The following LAS1L variants were observed in gnomAD, a reference collection of about 807,000 sequenced individuals.
LAS1L encodes ribosomal biogenesis protein LAS1L.
Under a neutral mutation model 57.3 loss-of-function variants are expected in LAS1L, and 5 were observed. The observed-to-expected ratio is 0.09, with a 90% CI of 0.05 to 0.18. The LOEUF is 0.18. Ranked by LOEUF, LAS1L falls within the 10% of genes least tolerant of loss-of-function variation. The pLI is 1.00. For synonymous variants in LAS1L, 245 were observed against 231.7 expected (o/e 1.06, Z -0.52); for missense variants, 360 against 568.3 (o/e 0.63, Z 3.73).
rs184542574 is a variant in LAS1L at position 65,527,299 on chromosome X, G to A, written c.956+961C>T. On this transcript the variant is annotated intron_variant, in intron 7 of 13. Transcript: ENST00000374811. ...ACCTGTGATCCCAGCACTTTGGGAGGCCAAGGCAGGACAATCTCTTGAATC... is the reference window on the plus strand; with the variant it reads ...ACCTGTGATCCCAGCACTTTGGGAGACCAAGGCAGGACAATCTCTTGAATC... Among the ~76,000 whole-genome samples, 47 of 105,443 alleles carry A rather than the reference G, an allele frequency of 4.5e-4. No homozygotes were observed. The highest frequency in any genetic ancestry group is 7.7e-4 in the Non-Finnish European group (40 of 51,659). The allele number at this position is 105,443 out of a possible 115,157, so 91.6% of individuals were successfully genotyped here.
rs954515049 is a variant in LAS1L at position 65,529,595 on chromosome X, A to G, written c.798T>C (p.Tyr266=). 17 of 1,208,579 alleles carry G rather than the reference A, an allele frequency of 1.4e-5. No homozygotes were observed. The highest frequency in any genetic ancestry group is 1.6e-5 in the Non-Finnish European group (14 of 894,523). Reference sequence around the variant, plus strand: ...CTTTCTGCCCTCCAAAACACCTACCATATAGCTCTTTATGACTCAGGGCCT... The same window carrying G: ...CTTTCTGCCCTCCAAAACACCTACCGTATAGCTCTTTATGACTCAGGGCCT... ...CKKALSHKEL[Y]ERARELLVSY... is the part of the protein sequence containing the mutation. Residue 266 remains tyrosine (Y), a splice_region_variant and synonymous_variant, in exon 5 of 14, where the codon TAT becomes TAC. Transcript: ENST00000374811.
rs767576722 is a variant in LAS1L, at chrX:65,523,748, G to GC, written c.1301-42dup. ...GGATCTAAGGAGAAGGAAGCAGTGA[G>GC]CCCCCCACCCAACATTTCACCTCAG... On this transcript the variant is annotated intron_variant, in intron 10 of 13. Coordinates refer to ENST00000374811, the MANE Select transcript of LAS1L (RefSeq NM_031206.7). The GC allele has an allele frequency of 8.8e-6, 10 of 1,133,164 alleles. No individual in the cohort carries two copies. In the South Asian group the frequency reaches 1.9e-4, roughly 22 times the overall value. 93.4% of individuals were successfully genotyped at this position (1,133,164 alleles called of 1,213,427 possible).
chrX:65,529,356 T>C (rs1569441979), intron 5 of LAS1L, 98 bp from the exon 6 acceptor site: 2 of 796,466 alleles, frequency 2.5e-6, no homozygotes, highest in East Asian at 3.2e-5. Context: ...GAGTTGTAAT[T>C]GAGGAACTAG....
At position 65,525,183 on chromosome X, in the gene LAS1L, G is replaced by A. The variant is rs2069062256; in HGVS notation, c.957-133C>T. The A allele has an allele frequency of 1.3e-5, 6 of 478,972 alleles. No individual in the cohort carries two copies. The East Asian group carries it at 1.9e-4, about 15-fold the overall frequency. The allele number at this position is 478,972 out of a possible 1,213,427, so 39.5% of individuals were successfully genotyped here. On this transcript the variant is annotated intron_variant, in intron 7 of 13. Coordinates refer to ENST00000374811, the MANE Select transcript of LAS1L (RefSeq NM_031206.7). ...GCAGCATAGGGAGGAGGGGTGGTGG[G>A]TGGGTAGGAGTGGGGAGGAAGGGAG...
chrX:65,530,184 C>G (rs2069398571), intron 4 of LAS1L, among the ~76,000 whole-genome samples: 1 of 112,901 alleles, frequency 8.9e-6, no homozygotes, highest in African/African-American at 3.2e-5. Flanking sequence ...GTTACATGGC[C>G]TTGGCCAAGT....
intron 13 of LAS1L, among the ~76,000 whole-genome samples, 157 bp downstream of exon 13, chrX:65,514,666 G>A (rs1276829171): frequency 9.0e-6 from 1 of 110,532 alleles, no homozygotes; most frequent in Admixed American, 9.5e-5. Context: ...GACAGGGAGA[G>A]CTGGCAAGGG....
chrX:65,521,781 AGACACAG>A (rs2068861393), intron 11 of LAS1L: 1 of 111,424 alleles, frequency 9.0e-6, no homozygotes, highest in Non-Finnish European at 1.9e-5. Flanking sequence ...TCAATGCAGC[AGACACAG>A]AGACTGACAA....
rs1054870452 is a variant in LAS1L, at chrX:65,524,408, C to A, written c.1094-146G>T. The A allele has an allele frequency of 4.3e-5, 22 of 510,408 alleles. No individual in the cohort carries two copies. The East Asian group carries it at 8.0e-4, about 19-fold the overall frequency. 42.1% of individuals were successfully genotyped at this position (510,408 alleles called of 1,213,427 possible). On this transcript the variant is annotated intron_variant, in intron 9 of 13. Transcript: ENST00000374811. The stretch of plus-strand genomic sequence containing the variant: ...CGCGCGCATGAGCCAAGCCCCCCAC[C>A]AACAACAGAGTTGCCACCGCAGAAC...
In LAS1L at chrX:65,512,618, A is replaced by G. The variant is rs1229077330; in HGVS notation, c.*157T>C. 6.2e-6 allele frequency: 4 copies of G among 642,290 alleles called. No homozygotes were observed. The highest frequency in any genetic ancestry group is 9.1e-6 in the Non-Finnish European group (4 of 439,784). The allele number at this position is 642,290 out of a possible 1,213,427, so 52.9% of individuals were successfully genotyped here. On this transcript the variant is annotated 3_prime_UTR_variant, in exon 14 of 14. Coordinates refer to ENST00000374811, the MANE Select transcript of LAS1L (RefSeq NM_031206.7). ...GTTTATTATTTTTCAAAACAAAACA[A>G]AAACAAAAGACATTCAAAATTCCCC... is the stretch of plus-strand genomic sequence containing the variant.
chrX:65,524,336 G>C (rs1168536932), intron 9 of LAS1L, 74 bp from the exon 10 acceptor site: 1 of 814,584 alleles, frequency 1.2e-6, no homozygotes, highest in Non-Finnish European at 1.8e-6. Context: ...GAGAGAGCAA[G>C]AGACAGCAAG....
rs975468687 is a variant in LAS1L, at chrX:65,528,329, G to A, written c.887C>T (p.Ala296Val). Reference sequence around the variant, plus strand: ...TACACGTGGGGACGGGTTATTCCACGCCTTAATGGCCTTAGGTAAATACCT... The same window carrying A: ...TACACGTGGGGACGGGTTATTCCACACCTTAATGGCCTTAGGTAAATACCT... ...KFRYLPKAIK[A>V]WNNPSPRVEC... The change falls in exon 7 of 14, where the codon GCG (alanine) becomes GTG (valine). Residue 296 changes from alanine (A) to valine (V), a missense_variant. By Grantham distance (64) the Ala-to-Val change is moderately conservative (BLOSUM62 0). Around this residue, in one of 7 missense-constraint regions of LAS1L, gnomAD observed 81 missense variants for 192.1 expected, o/e 0.42. Coordinates refer to ENST00000374811, the MANE Select transcript of LAS1L (RefSeq NM_031206.7). The A allele has an allele frequency of 7.6e-6, 9 of 1,187,981 alleles. No individual in the cohort carries two copies. Among genetic ancestry groups the A allele is most frequent in the Admixed American group, 6.8e-5 (3 of 44,186 alleles).
In LAS1L at chrX:65,534,703, A is replaced by T. The variant is rs777611742; in HGVS notation, c.13T>A (p.Ser5Thr). The change falls in exon 1 of 14, where the codon TCC becomes ACC. Residue 5 changes from serine (S) to threonine (T), a missense_variant. Ser to Thr is a moderately conservative substitution (Grantham distance 58, BLOSUM62 1). Transcript: ENST00000374811. The part of the protein sequence containing the change: MSWE[S>T]GAGPGLGSQG... ...GAACCTAGACCTGGCCCGGCCCCGG[A>T]TTCCCACGACATACTGAGCTCAACA... The T allele has an allele frequency of 7.7e-6, 9 of 1,167,144 alleles. No homozygotes were observed. Among genetic ancestry groups the T allele is most frequent in the Non-Finnish European group, 9.2e-6 (8 of 872,894 alleles).
chrX:65,524,415 A>C, intron 9 of LAS1L, 149 bp downstream of exon 9: 1 of 503,032 alleles, frequency 2.0e-6, no homozygotes, highest in Non-Finnish European at 3.6e-6. Flanking sequence ...CACCAACAAC[A>C]GAGTTGCCAC....
In LAS1L at chrX:65,517,272, G is replaced by C. The variant is rs1203524382; in HGVS notation, c.1927+715C>G. 3.1e-5 allele frequency among the ~76,000 whole-genome samples: 3 copies of C among 98,058 alleles called. No individual in the cohort carries two copies. In the East Asian group the frequency reaches 9.6e-4, roughly 31 times the overall value. The allele number at this position is 98,058 out of a possible 115,157, so 85.2% of individuals were successfully genotyped here. A position where few individuals can be genotyped will look rare whatever the true frequency, so the allele number is the denominator to read the frequency against. The stretch of plus-strand genomic sequence containing the variant: ...TTTCTTTTTTTTTTTTTTTGAGACG[G>C]AGTCTCGCTCTGTCACCCAGGCTGA... On this transcript the variant is annotated intron_variant, in intron 12 of 13. Coordinates refer to ENST00000374811, the MANE Select transcript of LAS1L (RefSeq NM_031206.7).
chrX:65,533,647 C>T lies in LAS1L; in HGVS notation c.325G>A (p.Asp109Asn). 1 of 1,211,109 alleles carries T rather than the reference C, an allele frequency of 8.3e-7. No homozygotes were observed. Among genetic ancestry groups the T allele is most frequent in the Non-Finnish European group, 1.1e-6 (1 of 895,030 alleles). Reference sequence around the variant, plus strand: ...ATGCCATAGAGCAGTCTAAGTTCATCAGTGCCCAAGCCACCAGTTACATCC... The same window carrying T: ...ATGCCATAGAGCAGTCTAAGTTCATTAGTGCCCAAGCCACCAGTTACATCC... The part of the protein sequence containing the change: ...LLDVTGGLGT[D>N]ELRLLYGMAL... Residue 109 changes from aspartate (D) to asparagine (N), a missense_variant, in exon 2 of 14, where the codon GAT becomes AAT. Coordinates refer to ENST00000374811, the MANE Select transcript of LAS1L (RefSeq NM_031206.7).
chrX:65,523,388 A>C (rs1423450988), intron 11 of LAS1L, 172 bp downstream of exon 11: 2 of 440,081 alleles, frequency 4.5e-6, no homozygotes, highest in African/African-American at 5.0e-5. Flanking sequence ...GATCTTAGGT[A>C]AGAAAACCCT....
intron 7 of LAS1L, among the ~76,000 whole-genome samples, chrX:65,527,607 C>G (rs2069232534): frequency 9.2e-6 from 1 of 109,232 alleles, no homozygotes; most frequent in Admixed American, 9.9e-5. Flanking sequence ...TCCAGAAGGG[C>G]AGGTCATTTG....
Position 65,533,617 on chromosome X carries a change from A to G in LAS1L, c.355T>C (p.Leu119=). The change falls in exon 2 of 14, where the codon TTG becomes CTG. Residue 119 remains leucine (L), a synonymous_variant. Transcript: ENST00000374811. ...DELRLLYGMA[L]VRFVNLISER... is the part of the protein sequence containing the mutation. ...ACCCCATGCAGGTCTTACCTGACCA[A>G]TGCCATGCCATAGAGCAGTCTAAGT... 2 of 1,210,887 alleles carry G rather than the reference A, an allele frequency of 1.7e-6. No homozygotes were observed. Among genetic ancestry groups the G allele is most frequent in the Middle Eastern group, 2.3e-4 (1 of 4,351 alleles).
chrX:65,518,953 C>A, intron 11 of LAS1L: 1 of 753,886 alleles, frequency 1.3e-6, no homozygotes, highest in Non-Finnish European at 1.6e-6. Context: ...CTGCGTGGAA[C>A]ACAAACTGTG....
Sources: gnomAD v4.1 joint callset for allele counts (sites outside exome capture counted in the v4.1 genomes callset) on GRCh38, gnomAD v4.1.1 for gene constraint, gnomAD v4.1.1 regional missense constraint, MANE v1.5 for transcripts, NCBI Gene and HGNC (gene_info 2026-07-23, HGNC 2026-07-21) for gene names.